The following KCNB2 variants were observed in gnomAD, a reference collection of about 807,000 sequenced individuals.
KCNB2 encodes potassium voltage-gated channel subfamily B member 2, also known as delayed rectifier potassium channel protein.
In KCNB2, 15 loss-of-function variants were observed where a neutral mutation model predicts 61.5. The ratio of observed to expected loss-of-function variants is 0.24; its 90% confidence interval spans 0.16 to 0.38. The LOEUF (loss-of-function observed/expected upper bound fraction) is 0.38, where lower values mean the gene tolerates loss of function less well. KCNB2 is among the 10% of genes least tolerant of loss of function. The pLI is 1.00. For missense variants in KCNB2, 828 were observed against 1,125.2 expected, an observed-to-expected ratio of 0.74 and a Z score of 3.78; for synonymous variants, 457 against 446.0, an observed-to-expected ratio of 1.02 and a Z score of -0.31.
intron 2 of KCNB2, among the ~76,000 whole-genome samples, chr8:72,677,883 C>T: frequency 6.6e-6 from 1 of 152,286 alleles, no homozygotes; most frequent in South Asian, 2.1e-4. Flanking sequence ...ATTAAAACAT[C>T]CAGTCCTCCT....
chr8:72,894,468 T>C (rs546096060), intron 2 of KCNB2, among the ~76,000 whole-genome samples: 1 of 151,324 alleles, frequency 6.6e-6, no homozygotes, highest in East Asian at 1.9e-4. Context: ...TCTTTAAGTT[T>C]TAAAAGTTTA....
chr8:72,885,174 G>A (rs888884711), intron 2 of KCNB2, among the ~76,000 whole-genome samples: 1 of 151,910 alleles, frequency 6.6e-6, no homozygotes, highest in African/African-American at 2.4e-5. Flanking sequence ...AACTATGCTT[G>A]CATTCTTAAC....
At chr8:72,722,672 A>T (rs1187583390) in intron 2 of KCNB2, among the ~76,000 whole-genome samples, 1 of 152,220 alleles carries the variant, frequency 6.6e-6, no homozygotes, top group Non-Finnish European at 1.5e-5. Context: ...AATGGACAAA[A>T]TGGTTCTAGG....
rs763439777 is a variant in KCNB2 at position 72,568,154 on chromosome 8, A to G, written c.420A>G (p.Arg140=). The G allele has an allele frequency of 8.7e-6, 14 of 1,614,014 alleles. No individual in the cohort carries two copies. Among genetic ancestry groups the G allele is most frequent in the Middle Eastern group, 1.6e-4 (1 of 6,082 alleles). The change falls in exon 2 of 3, where the codon AGA becomes AGG. Residue 140 remains arginine, a synonymous_variant. Coordinates refer to ENST00000523207, the MANE Select transcript of KCNB2 (RefSeq NM_004770.3). The part of the protein sequence containing the change: ...EIYLESCCQA[R]YHQKKEQMNE... ...ACTTGGAGTCCTGCTGCCAGGCCAG[A>G]TATCATCAAAAAAAAGAACAAATGA...
intron 2 of KCNB2, among the ~76,000 whole-genome samples, chr8:72,603,855 T>C (rs1404860618): frequency 2.0e-5 from 3 of 152,120 alleles, no homozygotes; most frequent in Non-Finnish European, 2.9e-5. Flanking sequence ...ACAGGGAGCA[T>C]GCCATATGAA....
At chr8:72,605,538 A>G (rs1334748541) in intron 2 of KCNB2, among the ~76,000 whole-genome samples, 1 of 152,174 alleles carries the variant, frequency 6.6e-6, no homozygotes, top group Admixed American at 6.5e-5. Flanking sequence ...GCTTATTAAG[A>G]CAGCTTTCTA....
chr8:72,674,188 T>A (rs1244408627), intron 2 of KCNB2, among the ~76,000 whole-genome samples: 1 of 152,190 alleles, frequency 6.6e-6, no homozygotes, highest in African/African-American at 2.4e-5. Context: ...GTGGGGCAAG[T>A]TAATTAACCT....
chr8:72,838,773 T>G (rs1263176486), intron 2 of KCNB2, among the ~76,000 whole-genome samples: 1 of 150,330 alleles, frequency 6.7e-6, no homozygotes, highest in Non-Finnish European at 1.5e-5. Context: ...TAAAGAAAAT[T>G]TTATACATGT....
chr8:72,754,428 G>A (rs568267347), intron 2 of KCNB2, among the ~76,000 whole-genome samples: 1 of 152,128 alleles, frequency 6.6e-6, no homozygotes, highest in Non-Finnish European at 1.5e-5. Context: ...CACAACAGGA[G>A]TCTAGTCTGC....
At chr8:72,686,549 G>A (rs1806856756) in intron 2 of KCNB2, among the ~76,000 whole-genome samples, 1 of 152,082 alleles carries the variant, frequency 6.6e-6, no homozygotes, top group Non-Finnish European at 1.5e-5. Context: ...GAAAGGGAAA[G>A]AGAAGCAAAG....
intron 2 of KCNB2, among the ~76,000 whole-genome samples, chr8:72,711,626 G>C (rs572152162): frequency 6.6e-6 from 1 of 152,222 alleles, no homozygotes; most frequent in East Asian, 1.9e-4. Context: ...ATGGTGCACA[G>C]GGTTCCTGAC....
intron 2 of KCNB2, among the ~76,000 whole-genome samples, chr8:72,857,028 G>A (rs1331121796): frequency 1.3e-5 from 2 of 152,114 alleles, no homozygotes; most frequent in African/African-American, 2.4e-5. Flanking sequence ...TCTAGTTCAA[G>A]GACTAGCAGT....
chr8:72,848,833 A>G (rs1810043678), intron 2 of KCNB2, among the ~76,000 whole-genome samples: 1 of 152,134 alleles, frequency 6.6e-6, no homozygotes, highest in Admixed American at 6.6e-5. Flanking sequence ...GTTAAATGCT[A>G]GGTATACAGT....
intron 2 of KCNB2, among the ~76,000 whole-genome samples, chr8:72,720,291 T>G (rs375572013): frequency 6.6e-6 from 1 of 152,188 alleles, no homozygotes; most frequent in South Asian, 2.1e-4. Context: ...TGGTCATGTA[T>G]AGAAGACATG....
At chr8:72,565,830 A>T (rs56218509) in intron 1 of KCNB2, among the ~76,000 whole-genome samples, 7,714 of 152,286 alleles carry the variant, frequency 0.051, 343 homozygotes, top group African/African-American at 0.12. Context: ...TAAAGAATGG[A>T]TTAACTGTTT....
intron 2 of KCNB2, among the ~76,000 whole-genome samples, chr8:72,655,395 A>G (rs1159622626): frequency 6.6e-6 from 1 of 152,080 alleles, no homozygotes; most frequent in Non-Finnish European, 1.5e-5. Context: ...AGAGCCCTGT[A>G]ACCTGCAATT....
intron 2 of KCNB2, among the ~76,000 whole-genome samples, chr8:72,586,018 C>A (rs1431917505): frequency 6.6e-6 from 1 of 152,194 alleles, no homozygotes; most frequent in East Asian, 1.9e-4. Flanking sequence ...TCTAAGTAGA[C>A]TCTTATTAAT....
At chr8:72,544,337 G>T (rs992616474) in intron 1 of KCNB2, among the ~76,000 whole-genome samples, 4 of 152,168 alleles carry the variant, frequency 2.6e-5, no homozygotes, top group African/African-American at 7.2e-5. Flanking sequence ...ACATCATTTG[G>T]ATTTTATCCT....
At chr8:72,866,993 C>T (rs534000766) in intron 2 of KCNB2, among the ~76,000 whole-genome samples, 2 of 152,304 alleles carry the variant, frequency 1.3e-5, no homozygotes, top group African/African-American at 4.8e-5. Flanking sequence ...GACTTGCCCC[C>T]TTGAGGACAG....
Sources: gnomAD v4.1 joint callset for allele counts (sites outside exome capture counted in the v4.1 genomes callset) on GRCh38, gnomAD v4.1.1 for gene constraint, MANE v1.5 for transcripts, NCBI Gene and HGNC (gene_info 2026-07-23, HGNC 2026-07-21) for gene names.